The following TMEM91 variants were observed in gnomAD, a reference collection of about 807,000 sequenced individuals.
TMEM91 encodes the protein transmembrane protein 91, also known as dispanin subfamily C member 3.
A neutral mutation model predicts 13.3 loss-of-function variants in TMEM91; 6 were observed. The ratio of observed to expected loss-of-function variants is 0.45; its 90% CI spans 0.25 to 0.89. The LOEUF (loss-of-function observed/expected upper bound fraction) is 0.89. Ranked by LOEUF, TMEM91 falls within the 40% of genes least tolerant of loss-of-function variation. TMEM91 has a pLI of 0.19. For missense variants in TMEM91, 193 were observed against 228.7 expected (o/e 0.84, Z 1.01); for synonymous variants, 87 against 101.7 (o/e 0.86, Z 0.87).
At chr19:41,379,448 C>T (rs1367561373) in intron 2 of TMEM91, among the ~76,000 whole-genome samples, 1 of 150,122 alleles carries the variant, frequency 6.7e-6, no homozygotes, top group Non-Finnish European at 1.5e-5. Flanking sequence ...GTGGGAGGAT[C>T]GCTTGAGCCC....
chr19:41,364,998 C>G (rs562035153), intron 1 of TMEM91, among the ~76,000 whole-genome samples: 82 of 152,108 alleles, frequency 5.4e-4, no homozygotes, highest in Non-Finnish European at 9.6e-4. Flanking sequence ...ACCTCAGCCT[C>G]CCATGTAGCT....
chr19:41,383,630 T>C, intron 3 of TMEM91, 85 bp from the exon 4 acceptor site: 1 of 1,613,514 alleles, frequency 6.2e-7, no homozygotes, highest in Non-Finnish European at 8.5e-7. Context: ...AATGAATGAA[T>C]GGGTATGTTG....
At chr19:41,369,447 CA>C (rs1481196950) in intron 1 of TMEM91, among the ~76,000 whole-genome samples, 1 of 148,036 alleles carries the variant, frequency 6.8e-6, no homozygotes, top group Non-Finnish European at 1.5e-5. Context: ...GTCCAGGCTG[CA>C]GTGAGCTATG....
chr19:41,369,527 C>T lies in TMEM91; in HGVS notation c.-30+5432C>T, dbSNP rs527869635. ...CCTCTAAAAAAAAAAAAAAAAGGCC[C>T]GGTGCAGTGGCTCATGCCTGGATTC... On this transcript the variant is annotated intron_variant, in intron 1 of 3. Coordinates refer to the TMEM91 transcript ENST00000413014. 2.0e-3 allele frequency among the ~76,000 whole-genome samples: 294 copies of T among 149,190 alleles called. 1 individual carries two copies. The highest frequency in any genetic ancestry group is 6.8e-3 in the African/African-American group (275 of 40,600).
intron 1 of TMEM91, among the ~76,000 whole-genome samples, chr19:41,365,593 C>T (rs1211926657): frequency 1.3e-5 from 2 of 151,406 alleles, no homozygotes; most frequent in South Asian, 2.1e-4. Flanking sequence ...TTAGTAGAGA[C>T]GGGTTTTCAC....
intron 1 of TMEM91, among the ~76,000 whole-genome samples, chr19:41,369,449 G>C (rs1299604315): frequency 1.3e-5 from 2 of 149,900 alleles, no homozygotes; most frequent in African/African-American, 4.9e-5. Context: ...CCAGGCTGCA[G>C]TGAGCTATGA....
intron 1 of TMEM91, among the ~76,000 whole-genome samples, chr19:41,371,152 CCAT>C (rs2038610165): frequency 1.3e-5 from 2 of 150,754 alleles, no homozygotes; most frequent in African/African-American, 4.9e-5. Context: ...CAGGCATGCA[CCAT>C]CATGCCCGGC....
intron 1 of TMEM91, among the ~76,000 whole-genome samples, chr19:41,368,557 G>A (rs1317710517): frequency 6.6e-6 from 1 of 151,650 alleles, no homozygotes; most frequent in Non-Finnish European, 1.5e-5. Flanking sequence ...TTACAGGCAT[G>A]TGCCACCACA....
chr19:41,366,254 C>G (rs1176914881), intron 1 of TMEM91, among the ~76,000 whole-genome samples: 1 of 151,710 alleles, frequency 6.6e-6, no homozygotes, highest in Non-Finnish European at 1.5e-5. Flanking sequence ...CTCTTGGGGC[C>G]CCTGGTCCCC....
intron 1 of TMEM91, among the ~76,000 whole-genome samples, chr19:41,377,485 G>C (rs1279198250): frequency 6.6e-6 from 1 of 150,510 alleles, no homozygotes; most frequent in Non-Finnish European, 1.5e-5. Flanking sequence ...CTAGGGGACA[G>C]AGGATGGGGA....
At chr19:41,372,118 G>A (rs2038634401), upstream of TMEM91, among the ~76,000 whole-genome samples, 1 of 151,774 alleles carries the variant, frequency 6.6e-6, no homozygotes, top group South Asian at 2.1e-4. Context: ...GGGGGCGGGG[G>A]TGGGGATCAC....
Position 41,383,942 on chromosome 19 carries a change from G to GAA in TMEM91, c.*70_*71dup. 1 of 1,564,534 alleles carries GAA rather than the reference G, an allele frequency of 6.4e-7. No homozygotes were observed. Among genetic ancestry groups the GAA allele is most frequent in the Non-Finnish European group, 8.6e-7 (1 of 1,161,780 alleles). ...AGCAAATCTGTGGGCAGAGAGTGGA[G>GAA]AATCTTGGTGGATGAGGCTGCGGCG... On this transcript the variant is annotated 3_prime_UTR_variant, in exon 4 of 4. Coordinates refer to ENST00000392002, the MANE Select transcript of TMEM91 (RefSeq NM_001098821.2).
intron 1 of TMEM91, among the ~76,000 whole-genome samples, chr19:41,371,126 C>T (rs894683390): frequency 2.6e-5 from 4 of 151,916 alleles, no homozygotes; most frequent in South Asian, 2.1e-4. Flanking sequence ...CTCAGCCTCC[C>T]GAGTAGCTGG....
At chr19:41,371,832 A>C (rs1241913801), upstream of TMEM91, among the ~76,000 whole-genome samples, 1 of 152,066 alleles carries the variant, frequency 6.6e-6, no homozygotes, top group Non-Finnish European at 1.5e-5. Context: ...TAGTGTCCTC[A>C]AGGGTCATCC....
At chr19:41,379,545 A>AG (rs1413757317) in intron 2 of TMEM91, among the ~76,000 whole-genome samples, 2 of 143,362 alleles carry the variant, frequency 1.4e-5, no homozygotes, top group Non-Finnish European at 3.1e-5. Flanking sequence ...AGAGAGGGAG[A>AG]GGGGGGAGAG....
intron 2 of TMEM91, 56 bp from the exon 3 acceptor site, chr19:41,382,716 C>T: frequency 6.3e-7 from 1 of 1,584,218 alleles, no homozygotes; most frequent in Non-Finnish European, 8.6e-7. Context: ...GAGAGCAGAG[C>T]AATGGGGCAG....
At chr19:41,375,829 A>AT (rs949996382), upstream of TMEM91, among the ~76,000 whole-genome samples, 9 of 150,122 alleles carry the variant, frequency 6.0e-5, no homozygotes, top group African/African-American at 2.2e-4. Flanking sequence ...AATAATAATA[A>AT]AAAAAAAATC....
chr19:41,371,205 T>G (rs957896711), intron 1 of TMEM91, among the ~76,000 whole-genome samples: 1 of 151,620 alleles, frequency 6.6e-6, no homozygotes, highest in Non-Finnish European at 1.5e-5. Context: ...TTTTGCCATG[T>G]TGGCCAGGCT....
At chr19:41,367,404 G>A (rs927304292) in intron 1 of TMEM91, among the ~76,000 whole-genome samples, 17 of 152,114 alleles carry the variant, frequency 1.1e-4, no homozygotes, top group African/African-American at 3.6e-4. Context: ...AGGTTGAGGC[G>A]GGCAAATCAC....
Sources: gnomAD v4.1 joint callset for allele counts (sites outside exome capture counted in the v4.1 genomes callset) on GRCh38, gnomAD v4.1.1 for gene constraint, MANE v1.5 for transcripts, NCBI Gene and HGNC (gene_info 2026-07-23, HGNC 2026-07-21) for gene names.